Variants in FARS2 observed in about 807,000 individuals in gnomAD.
FARS2 encodes the protein phenylalanyl-tRNA synthetase 2, mitochondrial.
FARS2 carries 40 observed loss-of-function variants against 46.4 expected under a neutral mutation model. The ratio of observed to expected loss-of-function variants is 0.86; its 90% CI spans 0.67 to 1.12. The LOEUF is 1.12. FARS2 is among the 50% of genes most tolerant of loss of function. The pLI, the probability that FARS2 is intolerant of heterozygous loss-of-function variation, is 0.00. For synonymous variants in FARS2, 234 were observed against 214.9 expected (o/e 1.09, Z -0.78); for missense variants, 513 against 567.9 (o/e 0.90, Z 0.98).
At chr6:5,268,708 A>G (rs1006713195) in intron 1 of FARS2, among the ~76,000 whole-genome samples, 1 of 152,116 alleles carries the variant, frequency 6.6e-6, no homozygotes, top group Non-Finnish European at 1.5e-5. Flanking sequence ...GGTCATATGA[A>G]CTTTAAAGTA....
At chr6:5,382,267 C>G (rs528009201) in intron 2 of FARS2, among the ~76,000 whole-genome samples, 2 of 152,292 alleles carry the variant, frequency 1.3e-5, no homozygotes, top group South Asian at 4.1e-4. Context: ...GGTGATGCTT[C>G]TTAATATTTT....
Position 5,720,675 on chromosome 6 carries a change from C to T in FARS2, c.1218-50616C>T, listed in dbSNP as rs141205497. Among the ~76,000 whole-genome samples, 106 of 152,246 alleles carry T rather than the reference C, an allele frequency of 7.0e-4. No individual in the cohort carries two copies. In the East Asian group the frequency reaches 0.02, roughly 29 times the overall value. On this transcript the variant is annotated intron_variant, in intron 6 of 6. Transcript: ENST00000274680. ...TTACATTCTTAAAAATTATTGAGGA[C>T]CCCAGAGAGTTTTTGTTTATTTGGG... is the stretch of plus-strand genomic sequence containing the variant.
Position 5,404,545 on chromosome 6 carries a change from T to C in FARS2, c.616T>C (p.Phe206Leu). The part of the protein sequence containing the change: ...AVRLFSKHEL[F>L]AGIKDGESLQ... Reference sequence around the variant, plus strand: ...ATACTTTCCTGTTGGTTTACAGTTATTTGCTGGTATAAAGGATGGAGAAAG... The same window carrying C: ...ATACTTTCCTGTTGGTTTACAGTTACTTGCTGGTATAAAGGATGGAGAAAG... The change falls in exon 3 of 7, where the codon TTT becomes CTT. Residue 206 changes from phenylalanine (F) to leucine (L), a missense_variant. Physicochemically the swap from Phe to Leu is conservative, Grantham distance 22. Coordinates refer to ENST00000274680, the MANE Select transcript of FARS2 (RefSeq NM_006567.5). 6.3e-7 allele frequency: 1 copy of C among 1,586,026 alleles called. No individual in the cohort carries two copies. The highest frequency in any genetic ancestry group is 1.4e-5 in the African/African-American group (1 of 74,052).
chr6:5,745,637 C>T (rs1334424134), intron 6 of FARS2, among the ~76,000 whole-genome samples: 1 of 152,194 alleles, frequency 6.6e-6, no homozygotes, highest in African/African-American at 2.4e-5. Context: ...CACCTGTGCT[C>T]AAGCAATCCT....
upstream of FARS2, among the ~76,000 whole-genome samples, chr6:5,257,194 C>T (rs368372209): frequency 2.8e-4 from 43 of 152,228 alleles, no homozygotes; most frequent in South Asian, 7.9e-3. Flanking sequence ...GTCCTCAGCA[C>T]GGCCCCCAGG....
chr6:5,612,319 T>C (rs1259817620), intron 5 of FARS2, among the ~76,000 whole-genome samples: 3 of 152,250 alleles, frequency 2.0e-5, no homozygotes, highest in Non-Finnish European at 4.4e-5. Context: ...TTTGCCCTTC[T>C]AAAAGATGTT....
intron 1 of FARS2, among the ~76,000 whole-genome samples, chr6:5,306,541 G>A (rs1430805573): frequency 6.6e-6 from 1 of 152,092 alleles, no homozygotes; most frequent in African/African-American, 2.4e-5. Flanking sequence ...ACATTTCAGA[G>A]GGCCTTTACT....
chr6:5,504,408 A>G (rs966404980), intron 4 of FARS2, among the ~76,000 whole-genome samples: 1 of 149,904 alleles, frequency 6.7e-6, no homozygotes, highest in Non-Finnish European at 1.5e-5. Flanking sequence ...CTTTAAAAAT[A>G]TTGGGAATGA....
chr6:5,401,202 G>A (rs534888107), intron 2 of FARS2, among the ~76,000 whole-genome samples: 5 of 151,996 alleles, frequency 3.3e-5, no homozygotes, highest in Admixed American at 3.3e-4. Flanking sequence ...ATAATATATT[G>A]TGGTGTTATA....
chr6:5,428,498 A>G (rs1476547170), intron 3 of FARS2, among the ~76,000 whole-genome samples: 1 of 152,206 alleles, frequency 6.6e-6, no homozygotes, highest in Non-Finnish European at 1.5e-5. Flanking sequence ...AGCCATGTAC[A>G]CAAAATATAT....
intron 1 of FARS2, among the ~76,000 whole-genome samples, chr6:5,323,047 A>G (rs1281402103): frequency 6.6e-6 from 1 of 152,164 alleles, no homozygotes; most frequent in Non-Finnish European, 1.5e-5. Context: ...TACTTTTATC[A>G]ATTTAATAAC....
intron 5 of FARS2, among the ~76,000 whole-genome samples, chr6:5,572,179 TC>T (rs1363614866): frequency 6.6e-6 from 1 of 152,160 alleles, no homozygotes; most frequent in Non-Finnish European, 1.5e-5. Context: ...TGCTGGCTAT[TC>T]AGGAAGCATG....
At chr6:5,712,460 C>T (rs1759232610) in intron 6 of FARS2, among the ~76,000 whole-genome samples, 1 of 152,190 alleles carries the variant, frequency 6.6e-6, no homozygotes, top group South Asian at 2.1e-4. Flanking sequence ...CTGGCATGGA[C>T]CTCCATGGCT....
chr6:5,308,762 T>A (rs1000161933), intron 1 of FARS2, among the ~76,000 whole-genome samples: 3 of 152,212 alleles, frequency 2.0e-5, no homozygotes, highest in Non-Finnish European at 4.4e-5. Flanking sequence ...CTGTATTAGT[T>A]CATTTGGGCT....
intron 4 of FARS2, among the ~76,000 whole-genome samples, chr6:5,439,884 TC>T (rs1474530965): frequency 7.2e-5 from 11 of 152,178 alleles, no homozygotes; most frequent in African/African-American, 2.7e-4. Context: ...TTTCCTCTCT[TC>T]CTTTAAGTCA....
intron 6 of FARS2, among the ~76,000 whole-genome samples, chr6:5,756,517 G>A (rs1762212991): frequency 6.6e-6 from 1 of 152,048 alleles, no homozygotes; most frequent in Non-Finnish European, 1.5e-5. Flanking sequence ...AGAGAGCGAG[G>A]GGGAAGCACT....
intron 6 of FARS2, among the ~76,000 whole-genome samples, chr6:5,679,051 A>C (rs929556840): frequency 1.3e-5 from 2 of 152,212 alleles, no homozygotes; most frequent in Admixed American, 1.3e-4. Context: ...TTGTGGCTGG[A>C]ATAGTAAGCT....
At chr6:5,718,837 A>G (rs1759690013) in intron 6 of FARS2, among the ~76,000 whole-genome samples, 1 of 152,156 alleles carries the variant, frequency 6.6e-6, no homozygotes, top group African/African-American at 2.4e-5. Flanking sequence ...TATTAAATTC[A>G]GGTTAGGTGT....
At chr6:5,294,628 TG>T (rs1351024843) in intron 1 of FARS2, among the ~76,000 whole-genome samples, 1 of 152,170 alleles carries the variant, frequency 6.6e-6, no homozygotes, top group Non-Finnish European at 1.5e-5. Flanking sequence ...TCTTTGGGTG[TG>T]GTTAATTTTC....
Sources: gnomAD v4.1 joint callset for allele counts (sites outside exome capture counted in the v4.1 genomes callset) on GRCh38, gnomAD v4.1.1 for gene constraint, MANE v1.5 for transcripts, NCBI Gene and HGNC (gene_info 2026-07-23, HGNC 2026-07-21) for gene names.